Variants in TENM2 observed in about 807,000 individuals in gnomAD.
TENM2 encodes the protein teneurin-2.
In TENM2, 52 loss-of-function variants were observed where a neutral mutation model predicts 245.2. The observed-to-expected ratio is 0.21, with a 90% CI of 0.17 to 0.27. The LOEUF (loss-of-function observed/expected upper bound fraction) is 0.27. Ranked by LOEUF, TENM2 falls within the 10% of genes least tolerant of loss-of-function variation. TENM2 has a pLI of 1.00. For missense variants in TENM2, 3,046 were observed against 3,666.8 expected (o/e 0.83, Z 4.37); for synonymous variants, 1,363 against 1,438.9 (o/e 0.95, Z 1.19).
chr5:168,024,256 C>T (rs1488962747), intron 5 of TENM2, among the ~76,000 whole-genome samples: 1 of 152,140 alleles, frequency 6.6e-6, no homozygotes, highest in Non-Finnish European at 1.5e-5. Flanking sequence ...CGCACCTATG[C>T]CACCTACAGT....
chr5:167,418,860 C>T (rs917497868), intron 2 of TENM2, among the ~76,000 whole-genome samples: 10 of 152,078 alleles, frequency 6.6e-5, no homozygotes, highest in African/African-American at 2.4e-4. Flanking sequence ...GAATTACATC[C>T]TATCCCTTGG....
intron 3 of TENM2, among the ~76,000 whole-genome samples, chr5:167,884,959 G>A (rs554919468): frequency 6.6e-5 from 10 of 152,232 alleles, no homozygotes; most frequent in Non-Finnish European, 1.0e-4. Context: ...CTATTGGTGT[G>A]AAATGGTATT....
chr5:167,064,078 G>A, the TENM2 span, among the ~76,000 whole-genome samples: 3 of 152,148 alleles, frequency 2.0e-5, no homozygotes, highest in Admixed American at 1.3e-4. Flanking sequence ...CATGTGGGCT[G>A]TTTGCCCAAG....
chr5:167,139,409 T>G, the TENM2 span, among the ~76,000 whole-genome samples: 11 of 152,254 alleles, frequency 7.2e-5, no homozygotes, highest in Admixed American at 3.3e-4. Flanking sequence ...TTGTGATCTA[T>G]ATTCCCTTAA....
intron 2 of TENM2, among the ~76,000 whole-genome samples, chr5:167,611,982 T>C (rs1777505317): frequency 6.6e-6 from 1 of 152,180 alleles, no homozygotes; most frequent in African/African-American, 2.4e-5. Flanking sequence ...CCAAATACTC[T>C]GAAGTGATTT....
the TENM2 span, among the ~76,000 whole-genome samples, chr5:166,987,749 C>T: frequency 1.3e-5 from 2 of 152,116 alleles, no homozygotes; most frequent in Admixed American, 6.5e-5. Flanking sequence ...ACTCCATGCC[C>T]CCAAGCTGTC....
chr5:168,218,865 C>A lies in TENM2; in HGVS notation c.4974C>A (p.Thr1658=). ...TCATGCCTGACAACCAGATCATCAC[C>A]CTCACCGTGGGCACCAATGGAGGCC... The change falls in exon 23 of 29, where the codon ACC becomes ACA. Residue 1658 remains threonine, a synonymous_variant. Transcript: ENST00000518659. The surrounding 1 kb of genome is among the most constrained non-coding windows in gnomAD (Gnocchi z 5.2). 1 of 1,613,986 alleles carries A rather than the reference C, an allele frequency of 6.2e-7. No individual in the cohort carries two copies. The highest frequency in any genetic ancestry group is 8.5e-7 in the Non-Finnish European group (1 of 1,179,900).
intron 4 of TENM2, among the ~76,000 whole-genome samples, chr5:167,975,027 G>A (rs1001234249): frequency 3.9e-5 from 6 of 152,332 alleles, no homozygotes; most frequent in African/African-American, 1.4e-4. Context: ...CCCACTACCA[G>A]ACTTGCCTTT....
At chr5:167,879,069 A>G (rs970397441) in intron 3 of TENM2, among the ~76,000 whole-genome samples, 2 of 152,194 alleles carry the variant, frequency 1.3e-5, no homozygotes, top group Non-Finnish European at 2.9e-5. Context: ...ACAGTACACA[A>G]TTCCTTCCCG....
At chr5:167,625,249 A>T (rs2127778845) in intron 2 of TENM2, among the ~76,000 whole-genome samples, 1 of 152,352 alleles carries the variant, frequency 6.6e-6, no homozygotes, top group African/African-American at 2.4e-5. Flanking sequence ...TGCCTACAAC[A>T]GCTATCTGGT....
chr5:167,512,101 G>T (rs1769997065), intron 2 of TENM2, among the ~76,000 whole-genome samples: 2 of 152,122 alleles, frequency 1.3e-5, no homozygotes, highest in African/African-American at 2.4e-5. Flanking sequence ...TTTGAAAGCA[G>T]TTGAATATCA....
the TENM2 span, among the ~76,000 whole-genome samples, chr5:167,024,225 T>C: frequency 1.7e-3 from 255 of 152,316 alleles, 2 homozygotes; most frequent in East Asian, 0.031. Context: ...CCTAAAACTA[T>C]GCAAACATCT....
intron 2 of TENM2, among the ~76,000 whole-genome samples, chr5:167,637,476 A>G (rs1779278213): frequency 6.6e-6 from 1 of 152,208 alleles, no homozygotes; most frequent in Non-Finnish European, 1.5e-5. Context: ...ATTGGTATAT[A>G]CCCAAAGGAT....
intron 3 of TENM2, among the ~76,000 whole-genome samples, chr5:167,901,750 G>A (rs957439153): frequency 6.6e-6 from 1 of 151,988 alleles, no homozygotes; most frequent in Non-Finnish European, 1.5e-5. Flanking sequence ...CTGGCACATC[G>A]CAATTTTTAA....
the TENM2 span, among the ~76,000 whole-genome samples, chr5:167,167,464 G>T: frequency 6.6e-6 from 1 of 152,048 alleles, no homozygotes; most frequent in Non-Finnish European, 1.5e-5. Context: ...CACTCTTTCT[G>T]GCAGTTCCCC....
chr5:167,379,577 A>T (rs1760970836), intron 2 of TENM2, among the ~76,000 whole-genome samples: 1 of 152,076 alleles, frequency 6.6e-6, no homozygotes, highest in Non-Finnish European at 1.5e-5. Context: ...TTCTACTCCC[A>T]CTCTATTACT....
the TENM2 span, among the ~76,000 whole-genome samples, chr5:167,230,609 T>C: frequency 5.3e-5 from 8 of 152,146 alleles, no homozygotes; most frequent in Admixed American, 3.9e-4. Flanking sequence ...ATTTTAAAAA[T>C]GCTGAGTGTT....
At chr5:167,535,059 C>T (rs559511139) in intron 2 of TENM2, among the ~76,000 whole-genome samples, 4 of 152,078 alleles carry the variant, frequency 2.6e-5, no homozygotes, top group Non-Finnish European at 5.9e-5. Flanking sequence ...AGTTGTAAAA[C>T]TTGTGTGAGT....
chr5:167,680,162 T>C (rs1561665649), intron 2 of TENM2, among the ~76,000 whole-genome samples: 1 of 152,016 alleles, frequency 6.6e-6, no homozygotes, highest in African/African-American at 2.4e-5. Flanking sequence ...CCAACCAATA[T>C]TGAGCCCATT....
Sources: allele counts gnomAD v4.1 joint callset (sites outside exome capture counted in the v4.1 genomes callset), GRCh38; gene constraint gnomAD v4.1.1; non-coding constraint Gnocchi (gnomAD v3.1); transcripts MANE v1.5; gene names NCBI Gene and HGNC (gene_info 2026-07-23, HGNC 2026-07-21).